Variants in ABCG1 observed in about 807,000 individuals in gnomAD.
ABCG1 encodes ATP-binding cassette sub-family G member 1.
ABCG1 carries 29 observed loss-of-function variants against 69.2 expected under a neutral mutation model. That is an observed-to-expected ratio of 0.42 (90% CI 0.31 to 0.57). The LOEUF (loss-of-function observed/expected upper bound fraction) is 0.57. Among genes scored for constraint, ABCG1 ranks in the 20% least tolerant of loss-of-function variants. The pLI, the probability that ABCG1 is intolerant of heterozygous loss-of-function variation, is 0.15. For synonymous variants in ABCG1, 370 were observed against 374.8 expected (o/e 0.99, Z 0.15); for missense variants, 718 against 898.1 (o/e 0.80, Z 2.56).
At chr21:42,234,592 C>T (rs1186175689) in intron 2 of ABCG1, among the ~76,000 whole-genome samples, 1 of 152,230 alleles carries the variant, frequency 6.6e-6, no homozygotes, top group Non-Finnish European at 1.5e-5. Flanking sequence ...GGGCGGGATT[C>T]ATCCTGGCCC....
At chr21:42,294,400 T>C in intron 13 of ABCG1, 142 bp from the exon 14 acceptor site, 1 of 708,574 alleles carries the variant, frequency 1.4e-6, no homozygotes, top group South Asian at 1.6e-5. Context: ...ACGCTGCACC[T>C]TCTGCCACAT....
At position 42,271,057 on chromosome 21, in the gene ABCG1, T is replaced by C. The variant is rs2068607337; in HGVS notation, c.287-13T>C. 2 of 1,459,636 alleles carry C rather than the reference T, an allele frequency of 1.4e-6. No individual in the cohort carries two copies. The highest frequency in any genetic ancestry group is 2.8e-5 in the South Asian group (2 of 71,296). The allele number at this position is 1,459,636 out of a possible 1,614,324, so 90.4% of individuals were successfully genotyped here. On this transcript the variant is annotated splice_polypyrimidine_tract_variant and intron_variant, in intron 2 of 14. Transcript: ENST00000398449. ...AAATGAAATGAATATGAATATGATC[T>C]GCTTTTTTGCAGGATACAAGACCCT...
rs1459136783 is a variant in ABCG1 at position 42,271,186 on chromosome 21, A to G, written c.403A>G (p.Arg135Gly). Residue 135 changes from arginine to glycine, a missense_variant and splice_region_variant, in exon 3 of 15, where the codon AGG becomes GGG. Around this residue, in one of 2 missense-constraint regions of ABCG1, gnomAD observed 514 missense variants for 574.3 expected, o/e 0.90. Coordinates refer to ENST00000398449, the MANE Select transcript of ABCG1 (RefSeq NM_016818.3). ...GCTGATGAACATCCTGGCTGGATAC[A>G]GGTGAGCAGCCCTGCCCAGGGCGCA... ...STLMNILAGY[R>G]ETGMKGAVLI... The G allele has an allele frequency of 1.3e-6, 2 of 1,553,094 alleles. No homozygotes were observed. Among genetic ancestry groups the G allele is most frequent in the East Asian group, 2.4e-5 (1 of 40,828 alleles).
chr21:42,212,818 C>T (rs909625483), upstream of ABCG1, among the ~76,000 whole-genome samples: 1 of 151,904 alleles, frequency 6.6e-6, no homozygotes, highest in African/African-American at 2.4e-5. Flanking sequence ...CTCAGCCTCC[C>T]GAGTAGCTGG....
At chr21:42,260,091 G>T (rs1203839660) in intron 2 of ABCG1, 2 of 1,550,654 alleles carry the variant, frequency 1.3e-6, no homozygotes, top group South Asian at 2.4e-5. Flanking sequence ...AGCTCATGGG[G>T]CAGGAAGGGC....
chr21:42,236,768 A>C (rs948831669), intron 2 of ABCG1, among the ~76,000 whole-genome samples: 1 of 152,248 alleles, frequency 6.6e-6, no homozygotes, highest in Admixed American at 6.5e-5. Context: ...AAACCTTTGC[A>C]ACAAGAAGGA....
chr21:42,262,910 G>A (rs140204258), intron 2 of ABCG1, among the ~76,000 whole-genome samples: 5 of 152,364 alleles, frequency 3.3e-5, no homozygotes, highest in African/African-American at 9.6e-5. Context: ...CTCTGGCCTG[G>A]TGAGGCCCGT....
At chr21:42,261,106 T>C (rs554287492) in intron 2 of ABCG1, among the ~76,000 whole-genome samples, 166 of 152,066 alleles carry the variant, frequency 1.1e-3, no homozygotes, top group Middle Eastern at 3.4e-3. Flanking sequence ...CAGGCATGAG[T>C]CACCGTACCC....
intron 2 of ABCG1, among the ~76,000 whole-genome samples, chr21:42,227,497 T>C (rs1029074872): frequency 3.9e-5 from 6 of 152,144 alleles, no homozygotes; most frequent in Non-Finnish European, 7.4e-5. Context: ...GTCATGACAG[T>C]AGAAAATGCT....
At chr21:42,286,826 C>T (rs1005719637) in intron 8 of ABCG1, among the ~76,000 whole-genome samples, 4 of 152,182 alleles carry the variant, frequency 2.6e-5, no homozygotes, top group Non-Finnish European at 2.9e-5. Context: ...TTCATTTCCT[C>T]AATGTCGTCT....
intron 2 of ABCG1, among the ~76,000 whole-genome samples, chr21:42,246,584 CAATG>C (rs2068137323): frequency 6.6e-6 from 1 of 152,148 alleles, no homozygotes; most frequent in Non-Finnish European, 1.5e-5. Flanking sequence ...TTTCAAGATA[CAATG>C]GCGTATGTGT....
At chr21:42,274,111 T>G (rs2068666968) in intron 4 of ABCG1, among the ~76,000 whole-genome samples, 1 of 152,240 alleles carries the variant, frequency 6.6e-6, no homozygotes, top group East Asian at 1.9e-4. Context: ...TCAGCTTCCC[T>G]GCCGTGCACC....
At chr21:42,255,240 C>T (rs957830954) in intron 2 of ABCG1, among the ~76,000 whole-genome samples, 10 of 152,170 alleles carry the variant, frequency 6.6e-5, no homozygotes, top group Non-Finnish European at 1.2e-4. Flanking sequence ...CAGTGGGGCG[C>T]GGTGTGCAGG....
chr21:42,284,888 C>A (rs1465873321), intron 7 of ABCG1, among the ~76,000 whole-genome samples: 2 of 152,064 alleles, frequency 1.3e-5, no homozygotes, highest in Non-Finnish European at 2.9e-5. Flanking sequence ...TCTGTTACCT[C>A]GTGGGATGTC....
intron 3 of ABCG1, among the ~76,000 whole-genome samples, 163 bp downstream of exon 3, chr21:42,271,350 C>T (rs953432905): frequency 6.6e-6 from 1 of 152,152 alleles, no homozygotes; most frequent in Middle Eastern, 3.2e-3. Context: ...TGCCAAGGGC[C>T]ATATGATGGG....
intron 2 of ABCG1, among the ~76,000 whole-genome samples, chr21:42,266,565 A>T (rs901463544): frequency 1.3e-5 from 2 of 152,116 alleles, no homozygotes; most frequent in African/African-American, 4.8e-5. Context: ...CTGATCATGT[A>T]GGTCTGCGGC....
intron 4 of ABCG1, among the ~76,000 whole-genome samples, chr21:42,274,925 G>A (rs1000037562): frequency 2.0e-5 from 3 of 152,124 alleles, no homozygotes; most frequent in Admixed American, 2.0e-4. Context: ...GCTTTATGTG[G>A]GGGACTGTTT....
intron 13 of ABCG1, among the ~76,000 whole-genome samples, chr21:42,293,641 ACACACACTACACAC>A (rs1811231812): frequency 7.5e-6 from 1 of 132,584 alleles, no homozygotes; most frequent in South Asian, 2.4e-4. Context: ...CACACACACC[ACACACACTACACAC>A]CACACACTAC....
At chr21:42,223,919 T>A (rs2067771708) in intron 1 of ABCG1, among the ~76,000 whole-genome samples, 1 of 152,144 alleles carries the variant, frequency 6.6e-6, no homozygotes, top group South Asian at 2.1e-4. Context: ...AATGGGTGCC[T>A]GGGGAGAGGG....
Sources: allele counts gnomAD v4.1 joint callset (sites outside exome capture counted in the v4.1 genomes callset), GRCh38; gene constraint gnomAD v4.1.1; regional missense constraint gnomAD v4.1.1; transcripts MANE v1.5; gene names NCBI Gene and HGNC (gene_info 2026-07-23, HGNC 2026-07-21).